NR2F1-AS1: variants seen among roughly 807,000 people sequenced by gnomAD.
The protein encoded by NR2F1-AS1 is NR2F1 antisense RNA 1.
intron 4 of NR2F1-AS1, among the ~76,000 whole-genome samples, chr5:93,466,941 C>T (rs1394944805): frequency 4.6e-5 from 6 of 129,704 alleles, no homozygotes; most frequent in East Asian, 2.6e-4. Flanking sequence ...CACTGTGGTG[C>T]CCAGGCTGGA....
chr5:93,451,386 T>G (rs748633909), intron 4 of NR2F1-AS1, among the ~76,000 whole-genome samples: 1 of 150,092 alleles, frequency 6.7e-6, no homozygotes, highest in Non-Finnish European at 1.5e-5. Flanking sequence ...TAATACACAG[T>G]CATTTCTTGA....
At chr5:93,542,668 A>G (rs1057175783) in intron 4 of NR2F1-AS1, 1 of 152,226 alleles carries the variant, frequency 6.6e-6, no homozygotes, top group Non-Finnish European at 1.5e-5. Context: ...TCCTGGGTGA[A>G]GTAAAAAACC....
At position 93,580,682 on chromosome 5, in the gene NR2F1-AS1, C is replaced by G. The variant is rs115984302; in HGVS notation, n.98G>C. 1,455 of 153,392 alleles carry G rather than the reference C, an allele frequency of 9.5e-3. 10 individuals are homozygous for G. Among genetic ancestry groups the G allele is most frequent in the Non-Finnish European group, 0.015 (1,048 of 68,602 alleles). 9.5% of individuals were successfully genotyped at this position (153,392 alleles called of 1,614,324 possible). Reference sequence around the variant, plus strand: ...GCCTGCTGCCTCTGCCCTCGACTCCCTGCCTCTGACTGTATGGGGAGTACG... The same window carrying G: ...GCCTGCTGCCTCTGCCCTCGACTCCGTGCCTCTGACTGTATGGGGAGTACG... On this transcript the variant is annotated non_coding_transcript_exon_variant, in exon 1 of 6. Transcript: ENST00000660523.
chr5:93,446,780 T>C (rs551410176), intron 4 of NR2F1-AS1, among the ~76,000 whole-genome samples: 1 of 152,144 alleles, frequency 6.6e-6, no homozygotes. Context: ...GCTGGAGACA[T>C]CACGCTACCT....
intron 1 of NR2F1-AS1, chr5:93,570,960 G>A (rs1452119634): frequency 6.6e-6 from 1 of 152,246 alleles, no homozygotes; most frequent in Non-Finnish European, 1.5e-5. Context: ...CCAGTCCGCA[G>A]AATTAAAAAT....
At chr5:93,512,943 C>T (rs1031649665) in intron 4 of NR2F1-AS1, among the ~76,000 whole-genome samples, 3 of 152,138 alleles carry the variant, frequency 2.0e-5, no homozygotes, top group Non-Finnish European at 4.4e-5. Context: ...GAAATATCCC[C>T]ATCTTTGAGC....
At chr5:93,452,684 A>C (rs936099419) in intron 4 of NR2F1-AS1, among the ~76,000 whole-genome samples, 3 of 152,236 alleles carry the variant, frequency 2.0e-5, no homozygotes, top group Non-Finnish European at 4.4e-5. Context: ...ACATAGAGCT[A>C]AGAATTAATT....
intron 4 of NR2F1-AS1, among the ~76,000 whole-genome samples, chr5:93,466,357 G>C (rs1750232600): frequency 6.7e-6 from 1 of 148,934 alleles, no homozygotes; most frequent in African/African-American, 2.5e-5. Flanking sequence ...TTGAGACATG[G>C]TCTCGCTCTG....
chr5:93,515,876 G>A (rs2149893022), intron 4 of NR2F1-AS1, among the ~76,000 whole-genome samples: 1 of 151,880 alleles, frequency 6.6e-6, no homozygotes, highest in African/African-American at 2.4e-5. Context: ...GTAATAAACT[G>A]AAAACAGAGT....
chr5:93,473,232 T>C (rs1357769247), intron 4 of NR2F1-AS1, among the ~76,000 whole-genome samples: 1 of 151,978 alleles, frequency 6.6e-6, no homozygotes, highest in Non-Finnish European at 1.5e-5. Flanking sequence ...TACTGTCAGA[T>C]AAATGCACTA....
rs1348670373 is a variant in NR2F1-AS1, at chr5:93,507,331, TTTTGTTTTG to T, written n.638+46421_638+46429del. On this transcript the variant is annotated intron_variant and non_coding_transcript_variant, in intron 4 of 5. Transcript: ENST00000660523. ...CCAGTTTTTTGGGATTTGGGGTTTT[TTTTGTTTTG>T]TTTTGTTTTGTTTTGTTTTGTTTTG... 7.7e-4 allele frequency among the ~76,000 whole-genome samples: 5 copies of T among 6,502 alleles called. No individual in the cohort carries two copies. In the East Asian group the frequency reaches 0.042, roughly 54 times the overall value. 4.3% of individuals were successfully genotyped at this position (6,502 alleles called of 152,430 possible).
intron 4 of NR2F1-AS1, among the ~76,000 whole-genome samples, chr5:93,506,447 T>C (rs1317355985): frequency 1.3e-5 from 2 of 152,176 alleles, no homozygotes; most frequent in Admixed American, 6.5e-5. Flanking sequence ...CTGGTACAAA[T>C]TGACTGTATT....
At chr5:93,560,714 T>C (rs1170678648) in intron 2 of NR2F1-AS1, among the ~76,000 whole-genome samples, 2 of 152,240 alleles carry the variant, frequency 1.3e-5, no homozygotes, top group Non-Finnish European at 2.9e-5. Flanking sequence ...AAAATACATA[T>C]TTTGAATTCA....
At chr5:93,526,300 A>G (rs1333102712) in intron 4 of NR2F1-AS1, among the ~76,000 whole-genome samples, 1 of 151,774 alleles carries the variant, frequency 6.6e-6, no homozygotes, top group Non-Finnish European at 1.5e-5. Context: ...AATATGAAGA[A>G]GTGGAATATT....
At chr5:93,511,504 T>C (rs1751294769) in intron 4 of NR2F1-AS1, among the ~76,000 whole-genome samples, 1 of 152,134 alleles carries the variant, frequency 6.6e-6, no homozygotes, top group Admixed American at 6.6e-5. Context: ...TTAACAATAT[T>C]TAGGTAATGA....
upstream of NR2F1-AS1, chr5:93,585,084 G>C: frequency 9.8e-7 from 1 of 1,021,186 alleles, no homozygotes; most frequent in African/African-American, 1.7e-5. Context: ...GGGCAACCCC[G>C]GCGGCCCCAA....
rs1481448072 is a variant in NR2F1-AS1, at chr5:93,519,948, T to C, written n.638+33813A>G. Among the ~76,000 whole-genome samples the C allele has an allele frequency of 1.6e-4, 24 of 152,026 alleles. 1 individual carries two copies. The highest frequency in any genetic ancestry group is 1.6e-3 in the Admixed American group (24 of 15,242). ...TGACATTTCTCCTAGCAGAGGTTTT[T>C]AAAAATCCTCTCTATTTATGGAAAG... On this transcript the variant is annotated intron_variant and non_coding_transcript_variant, in intron 4 of 5. Coordinates refer to ENST00000660523, the Ensembl canonical transcript of NR2F1-AS1.
intron 2 of NR2F1-AS1, among the ~76,000 whole-genome samples, chr5:93,559,881 A>G (rs1203091825): frequency 6.6e-6 from 1 of 152,240 alleles, no homozygotes; most frequent in African/African-American, 2.4e-5. Context: ...AAAAAGTTTG[A>G]AATAGTGTGA....
intron 4 of NR2F1-AS1, among the ~76,000 whole-genome samples, chr5:93,503,418 G>A (rs1437517105): frequency 6.6e-6 from 1 of 151,792 alleles, no homozygotes; most frequent in African/African-American, 2.4e-5. Flanking sequence ...AGCGTAAGAG[G>A]GAAAAAAACA....
Sources: allele counts gnomAD v4.1 joint callset (sites outside exome capture counted in the v4.1 genomes callset), GRCh38; gene constraint gnomAD v4.1.1; transcripts MANE v1.5; gene names NCBI Gene and HGNC (gene_info 2026-07-23, HGNC 2026-07-21).